Variants in NRG3 observed in about 807,000 individuals in gnomAD.
NRG3 encodes the protein pro-neuregulin-3, membrane-bound isoform.
Under a neutral mutation model 66.9 loss-of-function variants are expected in NRG3, and 31 were observed. The observed-to-expected ratio is 0.46, with a 90% CI of 0.35 to 0.63. NRG3 has a LOEUF of 0.63. Among genes scored for constraint, NRG3 ranks in the 20% least tolerant of loss-of-function variants. The pLI, the probability that NRG3 is intolerant of heterozygous loss-of-function variation, is 0.00. For synonymous variants in NRG3, 393 were observed against 359.4 expected (o/e 1.09, Z -1.06); for missense variants, 910 against 878.9 (o/e 1.04, Z -0.45).
intron 1 of NRG3, among the ~76,000 whole-genome samples, chr10:82,300,157 T>C (rs1296317855): frequency 1.3e-5 from 2 of 152,210 alleles, no homozygotes; most frequent in Non-Finnish European, 2.9e-5. Flanking sequence ...GTATTTGTCT[T>C]ATGTTAATAA....
chr10:82,311,299 C>A (rs1293309198), intron 1 of NRG3, among the ~76,000 whole-genome samples: 1 of 152,130 alleles, frequency 6.6e-6, no homozygotes, highest in Non-Finnish European at 1.5e-5. Context: ...AATGTCTATA[C>A]TTTTATCTAA....
intron 1 of NRG3, among the ~76,000 whole-genome samples, chr10:82,142,168 C>T (rs938817554): frequency 1.3e-5 from 2 of 152,166 alleles, no homozygotes; most frequent in African/African-American, 4.8e-5. Context: ...ATTTTGACTG[C>T]AGGATTAACC....
chr10:82,083,941 T>A (rs940951212), intron 1 of NRG3, among the ~76,000 whole-genome samples: 1 of 151,616 alleles, frequency 6.6e-6, no homozygotes, highest in African/African-American at 2.4e-5. Flanking sequence ...AAATGACACA[T>A]TTATGGCTGG....
chr10:82,669,435 T>A (rs2134022839), intron 2 of NRG3, among the ~76,000 whole-genome samples: 1 of 152,232 alleles, frequency 6.6e-6, no homozygotes, highest in South Asian at 2.1e-4. Flanking sequence ...TTTTCCTGGT[T>A]CTTCAGTTCA....
chr10:82,550,193 C>A (rs548732600), intron 2 of NRG3, among the ~76,000 whole-genome samples: 27 of 152,240 alleles, frequency 1.8e-4, no homozygotes, highest in Admixed American at 8.5e-4. Context: ...TGGTGAAAGG[C>A]TGGAGGGAAA....
chr10:82,650,884 A>G (rs146804672), intron 2 of NRG3, among the ~76,000 whole-genome samples: 8 of 152,326 alleles, frequency 5.3e-5, no homozygotes, highest in African/African-American at 1.9e-4. Context: ...TGGTCTGTCC[A>G]CACAGAGCCT....
At chr10:82,065,536 G>T (rs1198978560) in intron 1 of NRG3, among the ~76,000 whole-genome samples, 5 of 151,996 alleles carry the variant, frequency 3.3e-5, no homozygotes, top group Non-Finnish European at 7.4e-5. Flanking sequence ...AATTGTGTAG[G>T]ACTCCAGTCC....
At chr10:82,595,145 G>A (rs2047200354) in intron 2 of NRG3, among the ~76,000 whole-genome samples, 1 of 151,930 alleles carries the variant, frequency 6.6e-6, no homozygotes, top group African/African-American at 2.4e-5. Context: ...TGATTCCAAA[G>A]TTTATGCATA....
chr10:82,595,954 G>A lies in NRG3; in HGVS notation c.954-142623G>A, dbSNP rs139569828. Among the ~76,000 whole-genome samples, 104 of 152,286 alleles carry A rather than the reference G, an allele frequency of 6.8e-4. 1 individual carries two copies. Among genetic ancestry groups the A allele is most frequent in the African/African-American group, 2.4e-3 (100 of 41,560 alleles). ...GTTGAGAGGCTCAAATGAGAAAATA[G>A]TGCCAATACAGTTCATTAATTTTAT... On this transcript the variant is annotated intron_variant, in intron 2 of 8. Transcript: ENST00000372141.
chr10:82,570,726 C>G (rs944650427), intron 2 of NRG3, among the ~76,000 whole-genome samples: 1 of 151,614 alleles, frequency 6.6e-6, no homozygotes, highest in Admixed American at 6.6e-5. Flanking sequence ...AATCTTCTCC[C>G]GGAACGTGGT....
At chr10:82,387,436 T>A (rs917846167) in intron 2 of NRG3, among the ~76,000 whole-genome samples, 1 of 152,232 alleles carries the variant, frequency 6.6e-6, no homozygotes, top group Non-Finnish European at 1.5e-5. Flanking sequence ...AGGTGACGCA[T>A]GGACCATTTC....
chr10:82,166,872 T>C (rs1419226555), intron 1 of NRG3: 8 of 617,426 alleles, frequency 1.3e-5, no homozygotes, highest in Admixed American at 2.3e-5. Flanking sequence ...TGAAAGGTAT[T>C]TTTTTCTCAG....
At chr10:82,183,655 AGG>A (rs2073591808) in intron 1 of NRG3, among the ~76,000 whole-genome samples, 1 of 152,090 alleles carries the variant, frequency 6.6e-6, no homozygotes, top group African/African-American at 2.4e-5. Flanking sequence ...GTTCTCAACT[AGG>A]GGAAATTTTG....
intron 2 of NRG3, among the ~76,000 whole-genome samples, chr10:82,535,136 C>T (rs1318028800): frequency 6.9e-6 from 1 of 145,126 alleles, no homozygotes; most frequent in African/African-American, 2.5e-5. Context: ...GCCTGGATGA[C>T]AGAGAGAGAG....
At chr10:82,789,288 C>A (rs543595528) in intron 3 of NRG3, among the ~76,000 whole-genome samples, 1 of 151,980 alleles carries the variant, frequency 6.6e-6, no homozygotes, top group Non-Finnish European at 1.5e-5. Flanking sequence ...ATTTTAAAAT[C>A]TTCTATGGAG....
At chr10:82,778,243 G>A (rs2135245893) in intron 3 of NRG3, among the ~76,000 whole-genome samples, 1 of 152,274 alleles carries the variant, frequency 6.6e-6, no homozygotes, top group East Asian at 1.9e-4. Flanking sequence ...TGATCCTCTG[G>A]ACTAAAGCTC....
chr10:81,891,402 A>G (rs1315666290), intron 1 of NRG3, among the ~76,000 whole-genome samples: 1 of 152,178 alleles, frequency 6.6e-6, no homozygotes, highest in African/African-American at 2.4e-5. Flanking sequence ...GTATTTAAGC[A>G]TGGACTCAGG....
chr10:82,165,408 C>G (rs961822394), intron 1 of NRG3, among the ~76,000 whole-genome samples: 1 of 151,784 alleles, frequency 6.6e-6, no homozygotes, highest in Non-Finnish European at 1.5e-5. Context: ...TTGGCAAAAC[C>G]GAATAGTGCA....
chr10:81,918,638 T>A (rs1845928260), intron 1 of NRG3, among the ~76,000 whole-genome samples: 1 of 152,184 alleles, frequency 6.6e-6, no homozygotes, highest in African/African-American at 2.4e-5. Flanking sequence ...CCTCTTTTCT[T>A]TGATATTATT....
Sources: gnomAD v4.1 joint callset for allele counts (sites outside exome capture counted in the v4.1 genomes callset) on GRCh38, gnomAD v4.1.1 for gene constraint, MANE v1.5 for transcripts, NCBI Gene and HGNC (gene_info 2026-07-23, HGNC 2026-07-21) for gene names.